EPHB1: variants seen among roughly 807,000 people sequenced by gnomAD.
EPHB1 encodes ephrin type-B receptor 1.
A neutral mutation model predicts 94.4 loss-of-function variants in EPHB1; 30 were observed. That is an observed-to-expected ratio of 0.32 (90% CI 0.24 to 0.43). The LOEUF is 0.43. Among genes scored for constraint, EPHB1 ranks in the 20% least tolerant of loss-of-function variants. EPHB1 has a pLI of 1.00. For missense variants in EPHB1, 1,055 were observed against 1,308.3 expected (o/e 0.81, Z 2.99); for synonymous variants, 522 against 489.1 (o/e 1.07, Z -0.89).
intron 3 of EPHB1, among the ~76,000 whole-genome samples, chr3:135,029,291 G>A (rs891531615): frequency 1.6e-4 from 25 of 151,728 alleles, no homozygotes; most frequent in African/African-American, 2.2e-4. Flanking sequence ...CATTTTGCTC[G>A]TTAGTTGATG....
At chr3:134,958,673 T>A (rs1306475436) in intron 3 of EPHB1, among the ~76,000 whole-genome samples, 1 of 152,116 alleles carries the variant, frequency 6.6e-6, no homozygotes, top group African/African-American at 2.4e-5. Flanking sequence ...GGCTACTTCA[T>A]TTAGAAACCT....
At chr3:134,928,594 G>C (rs576127873) in intron 2 of EPHB1, among the ~76,000 whole-genome samples, 31 of 152,292 alleles carry the variant, frequency 2.0e-4, no homozygotes, top group Non-Finnish European at 3.7e-4. Flanking sequence ...GGTGGGAAGA[G>C]GATGAGTCAA....
chr3:134,879,724 T>C (rs1347430297), intron 1 of EPHB1, among the ~76,000 whole-genome samples: 2 of 152,050 alleles, frequency 1.3e-5, no homozygotes, highest in Admixed American at 1.3e-4. Context: ...GGGAATCTAG[T>C]TTGGGCAAAG....
intron 5 of EPHB1, 83 bp from the exon 6 acceptor site, chr3:135,154,069 T>C: frequency 6.4e-7 from 1 of 1,565,044 alleles, no homozygotes; most frequent in Non-Finnish European, 8.7e-7. Flanking sequence ...ATGCCATTTT[T>C]CTCCCTACGT....
chr3:134,976,110 G>A (rs1044740313), intron 3 of EPHB1, among the ~76,000 whole-genome samples: 1 of 152,136 alleles, frequency 6.6e-6, no homozygotes, highest in Non-Finnish European at 1.5e-5. Context: ...TTAGTTAGTT[G>A]TCACCAGGTC....
At chr3:135,020,584 A>C (rs1483263597) in intron 3 of EPHB1, among the ~76,000 whole-genome samples, 2 of 152,352 alleles carry the variant, frequency 1.3e-5, no homozygotes, top group African/African-American at 2.4e-5. Flanking sequence ...AGGTTGTAGC[A>C]TGTCTCAATA....
intron 9 of EPHB1, among the ~76,000 whole-genome samples, chr3:135,169,137 C>A (rs746723706): frequency 2.0e-5 from 3 of 152,078 alleles, no homozygotes; most frequent in Admixed American, 6.5e-5. Context: ...TCACAGCTAC[C>A]TTTTGGGGGA....
chr3:135,090,279 A>G (rs191929594), intron 3 of EPHB1, among the ~76,000 whole-genome samples: 136 of 152,288 alleles, frequency 8.9e-4, no homozygotes, highest in African/African-American at 3.0e-3. Context: ...CAGAACCTGC[A>G]AGCCCCACTT....
chr3:134,967,228 T>G (rs1933792769), intron 3 of EPHB1, among the ~76,000 whole-genome samples: 1 of 151,744 alleles, frequency 6.6e-6, no homozygotes, highest in Non-Finnish European at 1.5e-5. Context: ...TTTCATGGAG[T>G]GTAAAAAAAT....
chr3:135,116,139 A>C (rs1939696069), intron 4 of EPHB1, among the ~76,000 whole-genome samples: 1 of 152,166 alleles, frequency 6.6e-6, no homozygotes, highest in African/African-American at 2.4e-5. Flanking sequence ...GCTTGAACCC[A>C]GGAGGCAAAG....
At chr3:134,827,315 G>A (rs2036498930) in intron 1 of EPHB1, among the ~76,000 whole-genome samples, 1 of 152,072 alleles carries the variant, frequency 6.6e-6, no homozygotes, top group Admixed American at 6.6e-5. Flanking sequence ...AATTATTTTG[G>A]TTTTGAGTGA....
intron 3 of EPHB1, among the ~76,000 whole-genome samples, chr3:135,020,354 G>A (rs980351652): frequency 3.3e-5 from 5 of 152,090 alleles, no homozygotes; most frequent in East Asian, 3.9e-4. Context: ...TGCAACCATC[G>A]CCACAATCAA....
chr3:135,003,170 G>A (rs969448010), intron 3 of EPHB1, among the ~76,000 whole-genome samples: 11 of 149,702 alleles, frequency 7.3e-5, no homozygotes, highest in South Asian at 4.3e-4. Flanking sequence ...CTTTGTTCTC[G>A]TTGGTTTCAA....
chr3:135,088,159 C>T (rs1938428680), intron 3 of EPHB1, among the ~76,000 whole-genome samples: 1 of 152,136 alleles, frequency 6.6e-6, no homozygotes, highest in Admixed American at 6.5e-5. Flanking sequence ...TTGACTTGAA[C>T]ATGTGACTTT....
At position 135,032,229 on chromosome 3, in the gene EPHB1, C is replaced by A. The variant is rs369202936; in HGVS notation, c.806-74219C>A. On this transcript the variant is annotated intron_variant, in intron 3 of 15. Transcript: ENST00000398015. ...TTTGTTAGTAAGATATGAGACTTCT[C>A]AGATGGATTCTTTTATTTTTTTTTT... Among the ~76,000 whole-genome samples the A allele has an allele frequency of 9.3e-4, 140 of 151,118 alleles. 1 individual carries two copies. Among genetic ancestry groups the A allele is most frequent in the African/African-American group, 3.3e-3 (137 of 41,284 alleles).
rs1013176976 is a variant in EPHB1 at position 135,091,108 on chromosome 3, C to T, written c.806-15340C>T. Among the ~76,000 whole-genome samples the T allele has an allele frequency of 3.3e-5, 5 of 152,238 alleles. No homozygotes were observed. The East Asian group carries it at 7.7e-4, about 23-fold the overall frequency. On this transcript the variant is annotated intron_variant, in intron 3 of 15. Coordinates refer to ENST00000398015, the MANE Select transcript of EPHB1 (RefSeq NM_004441.5). ...CTTACTTAAACAGAATGCAGCTCTT[C>T]CCTGATGCACACAGAGAGAATAATT...
intron 3 of EPHB1, among the ~76,000 whole-genome samples, chr3:135,073,937 G>C (rs1937817080): frequency 1.3e-5 from 2 of 152,154 alleles, no homozygotes; most frequent in East Asian, 1.9e-4. Context: ...TAAGATTCAG[G>C]CTTATTTATT....
At chr3:135,196,666 T>C (rs1460501474) in intron 11 of EPHB1, among the ~76,000 whole-genome samples, 1 of 152,082 alleles carries the variant, frequency 6.6e-6, no homozygotes, top group African/African-American at 2.4e-5. Context: ...TTAGGATCAC[T>C]ACTCAGAGAA....
At chr3:134,806,918 C>G (rs970150033) in intron 1 of EPHB1, among the ~76,000 whole-genome samples, 1 of 152,144 alleles carries the variant, frequency 6.6e-6, no homozygotes, top group Non-Finnish European at 1.5e-5. Context: ...TGGGCGCAGG[C>G]TTGGACAACT....
Sources: gnomAD v4.1 joint callset for allele counts (sites outside exome capture counted in the v4.1 genomes callset) on GRCh38, gnomAD v4.1.1 for gene constraint, MANE v1.5 for transcripts, NCBI Gene and HGNC (gene_info 2026-07-23, HGNC 2026-07-21) for gene names.